Variants in TGM2 observed in about 807,000 individuals in gnomAD.
TGM2 encodes the protein transglutaminase 2.
Under a neutral mutation model 75.6 loss-of-function variants are expected in TGM2, and 53 were observed. The ratio of observed to expected loss-of-function variants is 0.70; its 90% CI spans 0.56 to 0.88. TGM2 has a LOEUF of 0.88. Ranked by LOEUF, TGM2 falls within the 40% of genes least tolerant of loss-of-function variation. The pLI is 0.00. For missense variants in TGM2, 842 were observed against 928.5 expected (o/e 0.91, Z 1.21); for synonymous variants, 374 against 381.1 (o/e 0.98, Z 0.22).
At chr20:38,134,714 G>C (rs1318882216) in intron 10 of TGM2, among the ~76,000 whole-genome samples, 1 of 152,196 alleles carries the variant, frequency 6.6e-6, no homozygotes, top group Non-Finnish European at 1.5e-5. Flanking sequence ...AGCATGAAAG[G>C]GTGGAGGCAG....
At chr20:38,167,898 C>A (rs1029997331), upstream of TGM2, among the ~76,000 whole-genome samples, 1 of 152,196 alleles carries the variant, frequency 6.6e-6, no homozygotes, top group Admixed American at 6.5e-5. Flanking sequence ...AGTCACTTAA[C>A]CTCTGTGCCT....
intron 2 of TGM2, among the ~76,000 whole-genome samples, chr20:38,158,296 C>T (rs1455286210): frequency 6.6e-6 from 1 of 152,234 alleles, no homozygotes. Context: ...GAAGGACAGG[C>T]TGTCCCACGG....
At position 38,130,105 on chromosome 20, in the gene TGM2, T is replaced by C; in HGVS notation, c.*114A>G. Reference sequence around the variant, plus strand: ...TCCATTTCCGAGAGCCCCCATAGGCTGCCCACCCTGCCCTGGGGTCTGGGG... The same window carrying C: ...TCCATTTCCGAGAGCCCCCATAGGCCGCCCACCCTGCCCTGGGGTCTGGGG... On this transcript the variant is annotated 3_prime_UTR_variant, in exon 13 of 13. Transcript: ENST00000361475. 2 of 1,452,460 alleles carry C rather than the reference T, an allele frequency of 1.4e-6. No homozygotes were observed. The highest frequency in any genetic ancestry group is 1.9e-6 in the Non-Finnish European group (2 of 1,066,176). The allele number at this position is 1,452,460 out of a possible 1,614,324, so 90.0% of individuals were successfully genotyped here.
upstream of TGM2, chr20:38,166,607 A>G (rs2075312005): frequency 6.6e-6 from 1 of 152,208 alleles, no homozygotes; most frequent in Admixed American, 6.5e-5. Flanking sequence ...CAAGCTCTAC[A>G]TTCCAGAACA....
At chr20:38,162,401 A>G (rs2075265390) in intron 1 of TGM2, among the ~76,000 whole-genome samples, 1 of 152,224 alleles carries the variant, frequency 6.6e-6, no homozygotes, top group Admixed American at 6.5e-5. Flanking sequence ...ATTTACAGGA[A>G]ATACCCAGGG....
intron 10 of TGM2, among the ~76,000 whole-genome samples, chr20:38,134,916 C>T (rs555441299): frequency 3.9e-5 from 6 of 152,352 alleles, no homozygotes; most frequent in African/African-American, 2.4e-5. Flanking sequence ...TTGAGCTTGG[C>T]ATTGGAGGTT....
At chr20:38,140,302 G>A (rs1455095180) in intron 8 of TGM2, among the ~76,000 whole-genome samples, 1 of 152,232 alleles carries the variant, frequency 6.6e-6, no homozygotes, top group Non-Finnish European at 1.5e-5. Flanking sequence ...ATGGACCACG[G>A]TCACATTAAA....
chr20:38,136,917 C>A (rs2074907471), intron 10 of TGM2, among the ~76,000 whole-genome samples: 1 of 152,114 alleles, frequency 6.6e-6, no homozygotes, highest in African/African-American at 2.4e-5. Context: ...TGGAAGGGAC[C>A]CAGAGGACAA....
chr20:38,160,143 A>G (rs1008588373), intron 2 of TGM2, among the ~76,000 whole-genome samples: 4 of 152,210 alleles, frequency 2.6e-5, no homozygotes, highest in African/African-American at 9.6e-5. Context: ...TGCAGTCCCC[A>G]TGATAAGCCT....
chr20:38,131,026 A>G, intron 12 of TGM2, 67 bp downstream of exon 12: 5 of 1,602,606 alleles, frequency 3.1e-6, no homozygotes, highest in Admixed American at 1.7e-5. Flanking sequence ...ACCTAAGGAC[A>G]GTCTCTACCC....
In TGM2 at chr20:38,128,679, T is replaced by A; in HGVS notation, c.*1540A>T. 1 of 152,222 alleles carries A rather than the reference T, an allele frequency of 6.6e-6. No homozygotes were observed. Among genetic ancestry groups the A allele is most frequent in the East Asian group, 1.9e-4 (1 of 5,198 alleles). The allele number at this position is 152,222 out of a possible 1,614,324, so 9.4% of individuals were successfully genotyped here. On this transcript the variant is annotated 3_prime_UTR_variant, in exon 13 of 13. Transcript: ENST00000361475. ...GCATGATTCTCTCCAAGTCCTTCCC[T>A]GGGATTTGGGGGGCCCTGGAGGCTG...
chr20:38,130,154 C>T lies in TGM2; in HGVS notation c.*65G>A. The T allele has an allele frequency of 6.2e-7, 1 of 1,603,638 alleles. No individual in the cohort carries two copies. The highest frequency in any genetic ancestry group is 1.1e-5 in the South Asian group (1 of 88,766). ...GGCCCAAGAAGGGGCATATTTTGCTCACTAGCTTGGGATAAGGATTGGGAT... is the reference window on the plus strand; with the variant it reads ...GGCCCAAGAAGGGGCATATTTTGCTTACTAGCTTGGGATAAGGATTGGGAT... On this transcript the variant is annotated 3_prime_UTR_variant, in exon 13 of 13. Coordinates refer to ENST00000361475, the MANE Select transcript of TGM2 (RefSeq NM_004613.4).
intron 10 of TGM2, among the ~76,000 whole-genome samples, chr20:38,135,640 G>A (rs746437611): frequency 5.9e-5 from 9 of 152,108 alleles, no homozygotes; most frequent in East Asian, 5.8e-4. Context: ...ATCCTGTCTC[G>A]GACTCTCGGG....
At chr20:38,156,515 A>G (rs2075189466) in intron 2 of TGM2, among the ~76,000 whole-genome samples, 1 of 152,264 alleles carries the variant, frequency 6.6e-6, no homozygotes, top group Admixed American at 6.5e-5. Flanking sequence ...TCCTGCCTAC[A>G]TCCTCTACCT....
intron 4 of TGM2, among the ~76,000 whole-genome samples, chr20:38,149,737 G>GTTCTCCTT (rs1216440420): frequency 6.9e-6 from 1 of 145,704 alleles, no homozygotes; most frequent in African/African-American, 2.6e-5. Flanking sequence ...ACTTGACTTT[G>GTTCTCCTT]TTCTCCTTCT....
chr20:38,140,105 T>G (rs2074952718), intron 8 of TGM2, among the ~76,000 whole-genome samples: 1 of 152,266 alleles, frequency 6.6e-6, no homozygotes, highest in African/African-American at 2.4e-5. Context: ...CTGTCTCGTT[T>G]CCTGCTCATA....
chr20:38,155,826 A>T, intron 3 of TGM2, 21 bp downstream of exon 3: 3 of 1,590,638 alleles, frequency 1.9e-6, no homozygotes, highest in Non-Finnish European at 2.6e-6. Flanking sequence ...CAACGCTGTG[A>T]GTGGATGGCG....
chr20:38,147,867 C>T (rs1600500913), intron 5 of TGM2, 94 bp downstream of exon 5: 6 of 1,533,274 alleles, frequency 3.9e-6, no homozygotes, highest in Non-Finnish European at 5.3e-6. Flanking sequence ...CCCGGGTCCC[C>T]CACCGCGCCT....
At position 38,137,912 on chromosome 20, in the gene TGM2, C is replaced by T; in HGVS notation, c.1615+201G>A. On this transcript the variant is annotated intron_variant, in intron 10 of 12. Transcript: ENST00000361475. ...AGTCTACTCATCTGGAAAACGGAGC[C>T]ATGTTAGAATCCACCCCCTCACTCT... The T allele has an allele frequency of 1.7e-5, 22 of 1,258,718 alleles. No homozygotes were observed. The South Asian group carries it at 3.5e-4, about 20-fold the overall frequency. The allele number at this position is 1,258,718 out of a possible 1,614,324, so 78.0% of individuals were successfully genotyped here.
Sources: allele counts gnomAD v4.1 joint callset (sites outside exome capture counted in the v4.1 genomes callset), GRCh38; gene constraint gnomAD v4.1.1; transcripts MANE v1.5; gene names NCBI Gene and HGNC (gene_info 2026-07-23, HGNC 2026-07-21).